The following ELP4 variants were observed in gnomAD, a reference collection of about 807,000 sequenced individuals.
ELP4 encodes the protein elongator acetyltransferase complex subunit 4, also known as elongator complex protein 4.
A neutral mutation model predicts 48.9 loss-of-function variants in ELP4; 51 were observed. The ratio of observed to expected loss-of-function variants is 1.04; its 90% CI spans 0.83 to 1.32. The LOEUF is 1.32. Among genes scored for constraint, ELP4 ranks in the 40% most tolerant of loss-of-function variants. The probability of loss-of-function intolerance (pLI) is 0.00; values close to 1 mark genes in which losing one functional copy is unlikely to be tolerated. For synonymous variants in ELP4, 210 were observed against 189.2 expected, an observed-to-expected ratio of 1.11 and a Z score of -0.90; for missense variants, 519 against 514.6, an observed-to-expected ratio of 1.01 and a Z score of -0.08.
At chr11:31,715,025 ACATTTCTTT>A (rs1457206950) in intron 9 of ELP4, 5 of 384,632 alleles carry the variant, frequency 1.3e-5, no homozygotes, top group Non-Finnish European at 2.3e-5. Flanking sequence ...TGCCTACCAC[ACATTTCTTT>A]CATTTTTACT....
At chr11:31,577,671 T>C (rs1054043439) in intron 3 of ELP4, among the ~76,000 whole-genome samples, 1 of 152,064 alleles carries the variant, frequency 6.6e-6, no homozygotes, top group African/African-American at 2.4e-5. Flanking sequence ...ATCCATCGTA[T>C]AAACAGAACC....
rs1197854038 is a variant in ELP4 at position 31,594,801 on chromosome 11, G to T, written c.413G>T (p.Cys138Phe). Reference protein sequence around the residue: ...ELPAPLLDDKCKKEFDEDVYN... With the variant: ...ELPAPLLDDKFKKEFDEDVYN... ...CCAGCACCATTACTTGATGATAAAT[G>T]TAAAAAGGAATTTGATGAAGATGTA... The change falls in exon 4 of 10, where the codon TGT becomes TTT. Residue 138 changes from cysteine to phenylalanine, a missense_variant. Cys to Phe is a radical substitution (Grantham distance 205). Transcript: ENST00000640961. 1 of 1,531,546 alleles carries T rather than the reference G, an allele frequency of 6.5e-7. No individual in the cohort carries two copies. Among genetic ancestry groups the T allele is most frequent in the Non-Finnish European group, 8.7e-7 (1 of 1,147,060 alleles). The allele number at this position is 1,531,546 out of a possible 1,614,324, so 94.9% of individuals were successfully genotyped here. A position where few individuals can be genotyped will look rare whatever the true frequency, so the allele number is the denominator to read the frequency against.
At chr11:31,539,321 C>T (rs776713458) in intron 2 of ELP4, among the ~76,000 whole-genome samples, 5 of 152,072 alleles carry the variant, frequency 3.3e-5, no homozygotes, top group African/African-American at 7.2e-5. Context: ...AAAAATTAGC[C>T]GGGCCTGGTG....
chr11:31,556,568 A>G (rs1012416194), intron 3 of ELP4, among the ~76,000 whole-genome samples: 18 of 152,012 alleles, frequency 1.2e-4, no homozygotes, highest in African/African-American at 4.1e-4. Context: ...TGAAGAAAAT[A>G]AAAGGATTTT....
intron 4 of ELP4, chr11:31,599,655 T>G (rs1000059261): frequency 6.5e-6 from 1 of 152,726 alleles, no homozygotes; most frequent in Non-Finnish European, 1.5e-5. Flanking sequence ...TGGCAGAAGG[T>G]GAAGGGGAAG....
chr11:31,722,566 G>T (rs59202421), intron 9 of ELP4, among the ~76,000 whole-genome samples: 3,212 of 152,216 alleles, frequency 0.021, 108 homozygotes, highest in African/African-American at 0.073. Flanking sequence ...TCAGGGCCCA[G>T]TGAAAATGAA....
In ELP4 at chr11:31,623,382, T is replaced by TAAAA. The variant is rs1565084252; in HGVS notation, c.654-3727_654-3726insAAAA. Among the ~76,000 whole-genome samples the TAAAA allele has an allele frequency of 3.0e-3, 272 of 92,038 alleles. 12 individuals are homozygous for TAAAA. Among genetic ancestry groups the TAAAA allele is most frequent in the African/African-American group, 9.0e-3 (246 of 27,274 alleles). The allele number at this position is 92,038 out of a possible 152,430, so 60.4% of individuals were successfully genotyped here. On this transcript the variant is annotated intron_variant, in intron 5 of 9. Coordinates refer to ENST00000640961, the MANE Select transcript of ELP4 (RefSeq NM_019040.5). Reference sequence around the variant, plus strand: ...ATATATATATATATATATATATATATATATATATAAAACTAGAAACATTGC... The same window carrying TAAAA: ...ATATATATATATATATATATATATATAAAAATATATATAAAACTAGAAACATTGC...
chr11:31,763,530 A>G, intron 9 of ELP4: 2 of 1,609,736 alleles, frequency 1.2e-6, no homozygotes, highest in Non-Finnish European at 1.7e-6. Flanking sequence ...CCACATTTTT[A>G]ATGAGCTTCC....
chr11:31,519,837 A>G (rs1448807002), intron 1 of ELP4, among the ~76,000 whole-genome samples: 1 of 152,110 alleles, frequency 6.6e-6, no homozygotes, highest in Non-Finnish European at 1.5e-5. Context: ...CTCAAAAAAA[A>G]AAAAAAAAGT....
chr11:31,712,928 AT>A (rs1454731580), intron 9 of ELP4, among the ~76,000 whole-genome samples: 1 of 152,140 alleles, frequency 6.6e-6, no homozygotes, highest in East Asian at 1.9e-4. Flanking sequence ...CTGCTCATCT[AT>A]GCCACTAAAA....
At chr11:31,627,678 TG>T (rs1308722487) in intron 6 of ELP4, among the ~76,000 whole-genome samples, 1 of 152,098 alleles carries the variant, frequency 6.6e-6, no homozygotes, top group African/African-American at 2.4e-5. Flanking sequence ...ACGATTTCTC[TG>T]TAGCTCTAAT....
At chr11:31,775,539 T>C (rs903443780) in intron 9 of ELP4, among the ~76,000 whole-genome samples, 2 of 152,148 alleles carry the variant, frequency 1.3e-5, no homozygotes, top group African/African-American at 2.4e-5. Context: ...GAGCATGTTT[T>C]ATAAAGAAGG....
intron 9 of ELP4, among the ~76,000 whole-genome samples, chr11:31,712,867 G>A (rs966395366): frequency 6.6e-6 from 1 of 152,066 alleles, no homozygotes; most frequent in Non-Finnish European, 1.5e-5. Context: ...GACATCAATT[G>A]TCAGGATGCC....
intron 2 of ELP4, among the ~76,000 whole-genome samples, chr11:31,533,456 C>T (rs1956439348): frequency 7.2e-6 from 1 of 138,794 alleles, no homozygotes; most frequent in South Asian, 2.5e-4. Flanking sequence ...CGGCTCACTG[C>T]AAGCTCCGCC....
intron 9 of ELP4, among the ~76,000 whole-genome samples, chr11:31,734,875 A>C (rs899177679): frequency 6.6e-6 from 1 of 152,192 alleles, no homozygotes; most frequent in Admixed American, 6.5e-5. Context: ...ATTCATATGG[A>C]ATAACAAAGG....
At chr11:31,535,763 C>G (rs571595916) in intron 2 of ELP4, among the ~76,000 whole-genome samples, 1 of 152,232 alleles carries the variant, frequency 6.6e-6, no homozygotes, top group South Asian at 2.1e-4. Context: ...GTTTCCTGGC[C>G]CCAAGCACCT....
chr11:31,664,774 G>A (rs1280963224), intron 9 of ELP4, among the ~76,000 whole-genome samples: 1 of 152,064 alleles, frequency 6.6e-6, no homozygotes, highest in Non-Finnish European at 1.5e-5. Flanking sequence ...TCTTACTCCT[G>A]TATCTAAAAG....
intron 9 of ELP4, among the ~76,000 whole-genome samples, chr11:31,686,197 A>C (rs1592222814): frequency 6.6e-6 from 1 of 151,938 alleles, no homozygotes; most frequent in Admixed American, 6.6e-5. Flanking sequence ...CCCTAATACA[A>C]TTAAGGTTAT....
intron 9 of ELP4, among the ~76,000 whole-genome samples, chr11:31,724,179 C>G (rs984310957): frequency 2.0e-5 from 3 of 152,072 alleles, no homozygotes; most frequent in Non-Finnish European, 4.4e-5. Context: ...TACCAGGCCC[C>G]TCTTATATTG....
Sources: gnomAD v4.1 joint callset for allele counts (sites outside exome capture counted in the v4.1 genomes callset) on GRCh38, gnomAD v4.1.1 for gene constraint, MANE v1.5 for transcripts, NCBI Gene and HGNC (gene_info 2026-07-23, HGNC 2026-07-21) for gene names.